The following DOCK2 variants were observed in gnomAD, a reference collection of about 807,000 sequenced individuals.
DOCK2 encodes the protein dedicator of cytokinesis protein 2.
Under a neutral mutation model 248.9 loss-of-function variants are expected in DOCK2, and 87 were observed. The observed-to-expected ratio is 0.35, with a 90% CI of 0.29 to 0.42. DOCK2 has a LOEUF of 0.42. Ranked by LOEUF, DOCK2 falls within the 10% of genes least tolerant of loss-of-function variation. The pLI is 1.00. For synonymous variants in DOCK2, 805 were observed against 821.6 expected (o/e 0.98, Z 0.35); for missense variants, 1,747 against 2,300.2 (o/e 0.76, Z 4.92).
chr5:169,783,703 G>A (rs1765833274), intron 25 of DOCK2, among the ~76,000 whole-genome samples: 1 of 152,104 alleles, frequency 6.6e-6, no homozygotes, highest in African/African-American at 2.4e-5. Flanking sequence ...ATGGGAGAAA[G>A]GGTGTTCATA....
chr5:169,822,305 C>T (rs1187173725), intron 26 of DOCK2, among the ~76,000 whole-genome samples: 1 of 152,226 alleles, frequency 6.6e-6, no homozygotes. Flanking sequence ...CCCAAATCAA[C>T]AGAATATACA....
At chr5:169,904,687 A>C (rs1394167218) in intron 27 of DOCK2, among the ~76,000 whole-genome samples, 2 of 152,160 alleles carry the variant, frequency 1.3e-5, no homozygotes, top group Admixed American at 1.3e-4. Flanking sequence ...TAAACAGACA[A>C]TAAGTCTGAC....
intron 26 of DOCK2, among the ~76,000 whole-genome samples, chr5:169,817,511 C>G (rs1768139096): frequency 6.6e-6 from 1 of 152,234 alleles, no homozygotes; most frequent in African/African-American, 2.4e-5. Flanking sequence ...TTCATTATTT[C>G]AGAACACATC....
At chr5:169,675,012 C>T (rs1759252121) in intron 6 of DOCK2, among the ~76,000 whole-genome samples, 2 of 152,214 alleles carry the variant, frequency 1.3e-5, no homozygotes, top group African/African-American at 4.8e-5. Context: ...TTAATCAGAG[C>T]TCATTGTACA....
chr5:170,020,218 G>T (rs76469325), intron 33 of DOCK2, among the ~76,000 whole-genome samples: 5,240 of 152,168 alleles, frequency 0.034, 128 homozygotes, highest in Middle Eastern at 0.13. Context: ...GCCTCTGTGG[G>T]TGTCCTTCGG....
chr5:169,961,405 G>A (rs1257896649), intron 27 of DOCK2, among the ~76,000 whole-genome samples: 1 of 152,218 alleles, frequency 6.6e-6, no homozygotes, highest in Non-Finnish European at 1.5e-5. Flanking sequence ...ACCTTTGCCT[G>A]CTAATCAACT....
intron 25 of DOCK2, among the ~76,000 whole-genome samples, chr5:169,762,594 G>C (rs1449563602): frequency 2.0e-5 from 3 of 152,188 alleles, no homozygotes; most frequent in Non-Finnish European, 4.4e-5. Flanking sequence ...TGCATGCCTA[G>C]ATTTTCAAAA....
chr5:169,894,463 T>G (rs1045408890), intron 27 of DOCK2, among the ~76,000 whole-genome samples: 1 of 152,154 alleles, frequency 6.6e-6, no homozygotes, highest in African/African-American at 2.4e-5. Context: ...CAGTGCGCCA[T>G]CCACCCTGGT....
chr5:170,040,661 T>G, intron 36 of DOCK2: 1 of 209,458 alleles, frequency 4.8e-6, no homozygotes, highest in Non-Finnish European at 1.0e-5. Flanking sequence ...ATAAATTGTC[T>G]CTCTCTCCTT....
rs192173869 is a variant in DOCK2, at chr5:170,024,856, A to T, written c.3382-3007A>T. On this transcript the variant is annotated intron_variant, in intron 33 of 51. Coordinates refer to ENST00000520908, the MANE Select transcript of DOCK2 (RefSeq NM_004946.3). ...ACCCCAAGGGCTCAGGCATGGTGGT[A>T]TGGTATCATTTGTCTCACACACTCC... Among the ~76,000 whole-genome samples the T allele has an allele frequency of 2.4e-3, 369 of 152,250 alleles. 4 individuals are homozygous for T. The South Asian group carries it at 0.038, about 16-fold the overall frequency.
chr5:169,891,391 C>A (rs1431599415), intron 27 of DOCK2, among the ~76,000 whole-genome samples: 1 of 152,182 alleles, frequency 6.6e-6, no homozygotes, highest in Non-Finnish European at 1.5e-5. Flanking sequence ...TAGTTAGAGG[C>A]TTCAAGGAAT....
intron 27 of DOCK2, among the ~76,000 whole-genome samples, chr5:169,870,178 G>A (rs551503976): frequency 1.1e-4 from 16 of 152,246 alleles, no homozygotes; most frequent in African/African-American, 2.4e-4. Flanking sequence ...ACGGAGCCAC[G>A]TTGCATTTAG....
chr5:170,065,441 C>T (rs1397334831), intron 44 of DOCK2, among the ~76,000 whole-genome samples: 1 of 152,046 alleles, frequency 6.6e-6, no homozygotes, highest in Non-Finnish European at 1.5e-5. Flanking sequence ...TTAAATTCAA[C>T]AATCAAAAGG....
chr5:169,869,621 A>C (rs1028957280), intron 27 of DOCK2, among the ~76,000 whole-genome samples: 14 of 152,172 alleles, frequency 9.2e-5, no homozygotes, highest in African/African-American at 2.7e-4. Context: ...CTGGGTAGAA[A>C]AGAGAAGATG....
At chr5:169,854,046 A>G (rs1770763903) in intron 27 of DOCK2, among the ~76,000 whole-genome samples, 2 of 151,272 alleles carry the variant, frequency 1.3e-5, no homozygotes, top group Admixed American at 6.6e-5. Flanking sequence ...CATGGTCTCA[A>G]TCTCCTGACC....
intron 25 of DOCK2, among the ~76,000 whole-genome samples, chr5:169,773,588 C>T (rs754056158): frequency 5.3e-5 from 8 of 152,154 alleles, no homozygotes; most frequent in Non-Finnish European, 8.8e-5. Context: ...TGGAAGCATA[C>T]ATAATGAGGG....
chr5:169,851,781 G>A (rs1770627653), intron 27 of DOCK2, among the ~76,000 whole-genome samples: 1 of 152,160 alleles, frequency 6.6e-6, no homozygotes, highest in Non-Finnish European at 1.5e-5. Context: ...GGGAGAGAGA[G>A]AAGGGGGAAG....
intron 47 of DOCK2, among the ~76,000 whole-genome samples, chr5:170,077,473 T>C (rs1056740424): frequency 2.0e-5 from 3 of 152,202 alleles, no homozygotes; most frequent in African/African-American, 7.2e-5. Flanking sequence ...AGGATACTAC[T>C]ATCACATAGG....
chr5:169,669,645 C>T (rs188984252), intron 3 of DOCK2, among the ~76,000 whole-genome samples: 1 of 152,126 alleles, frequency 6.6e-6, no homozygotes, highest in Non-Finnish European at 1.5e-5. Flanking sequence ...ATTCTACTGC[C>T]TTCCTTTAGA....
Sources: allele counts gnomAD v4.1 joint callset (sites outside exome capture counted in the v4.1 genomes callset), GRCh38; gene constraint gnomAD v4.1.1; transcripts MANE v1.5; gene names NCBI Gene and HGNC (gene_info 2026-07-23, HGNC 2026-07-21).